ENTREP2: variants seen among roughly 807,000 people sequenced by gnomAD.
The protein encoded by ENTREP2 is endosomal transmembrane epsin interactor 2.
the ENTREP2 span, among the ~76,000 whole-genome samples, chr15:29,444,570 G>A: frequency 6.6e-6 from 1 of 151,068 alleles, no homozygotes; most frequent in African/African-American, 2.4e-5. Context: ...AGGTTCAAGC[G>A]ATTCTCCTGC....
chr15:29,615,813 T>C, the ENTREP2 span, among the ~76,000 whole-genome samples: 1 of 152,176 alleles, frequency 6.6e-6, no homozygotes, highest in Admixed American at 6.5e-5. Flanking sequence ...CAAAATTAAA[T>C]GGGAATTGGA....
chr15:29,576,876 C>T, the ENTREP2 span, among the ~76,000 whole-genome samples: 24,803 of 152,096 alleles, frequency 0.16, 2,894 homozygotes, highest in East Asian at 0.49. Context: ...GGCGTGATCT[C>T]GGCTCACTGC....
chr15:29,362,752 G>A, the ENTREP2 span, among the ~76,000 whole-genome samples: 1 of 152,122 alleles, frequency 6.6e-6, no homozygotes, highest in Non-Finnish European at 1.5e-5. Context: ...AATAAAAAAT[G>A]TGCCTGATGG....
the ENTREP2 span, among the ~76,000 whole-genome samples, chr15:29,513,078 A>G: frequency 6.6e-6 from 1 of 152,144 alleles, no homozygotes; most frequent in Non-Finnish European, 1.5e-5. Flanking sequence ...CCTTCTTTAA[A>G]CACTCTTTTT....
chr15:29,666,413 A>C, the ENTREP2 span, among the ~76,000 whole-genome samples: 9 of 135,672 alleles, frequency 6.6e-5, no homozygotes, highest in East Asian at 2.3e-4. Context: ...ACCTCCCCCC[A>C]CTCACCCCCA....
At chr15:29,318,416 G>T in the ENTREP2 span, among the ~76,000 whole-genome samples, 48,674 of 151,838 alleles carry the variant, frequency 0.32, 7,867 homozygotes, top group African/African-American at 0.37. Flanking sequence ...CGCCTCCTGG[G>T]TTCACGCCAT....
the ENTREP2 span, chr15:29,268,735 A>G: frequency 3.8e-3 from 5,760 of 1,533,774 alleles, 189 homozygotes; most frequent in African/African-American, 0.069. Flanking sequence ...CCAATCCTCT[A>G]AACTGTGCCT....
the ENTREP2 span, among the ~76,000 whole-genome samples, chr15:29,119,877 G>A: frequency 1.3e-5 from 2 of 152,160 alleles, no homozygotes; most frequent in African/African-American, 4.8e-5. Context: ...GCAGGTCCCG[G>A]GGAGAGAGCC....
At chr15:29,622,942 C>G in the ENTREP2 span, among the ~76,000 whole-genome samples, 1 of 152,138 alleles carries the variant, frequency 6.6e-6, no homozygotes, top group Non-Finnish European at 1.5e-5. Context: ...TGAGAACTTC[C>G]TTTGGGAAGC....
chr15:29,425,279 C>T, the ENTREP2 span, among the ~76,000 whole-genome samples: 1 of 151,768 alleles, frequency 6.6e-6, no homozygotes, highest in Non-Finnish European at 1.5e-5. Flanking sequence ...ACCTCATCAT[C>T]TGCCTGCCTC....
chr15:29,437,865 G>C, the ENTREP2 span, among the ~76,000 whole-genome samples: 1 of 152,180 alleles, frequency 6.6e-6, no homozygotes, highest in Non-Finnish European at 1.5e-5. Context: ...CATCAATTCT[G>C]AAAATGACCA....
At chr15:29,321,404 C>T in the ENTREP2 span, among the ~76,000 whole-genome samples, 4 of 152,102 alleles carry the variant, frequency 2.6e-5, no homozygotes, top group East Asian at 3.9e-4. Context: ...AATCCCAGCA[C>T]TTTGGGAGGC....
chr15:29,273,415 C>T, the ENTREP2 span, among the ~76,000 whole-genome samples: 2 of 152,010 alleles, frequency 1.3e-5, no homozygotes, highest in African/African-American at 4.8e-5. Context: ...CCAGGCTGGT[C>T]TCGAACTCCT....
chr15:29,171,877 A>T, the ENTREP2 span, among the ~76,000 whole-genome samples: 4 of 152,216 alleles, frequency 2.6e-5, no homozygotes, highest in South Asian at 6.2e-4. Context: ...ATGAGTTAAA[A>T]CACTACTGTC....
At chr15:29,524,674 T>C in the ENTREP2 span, among the ~76,000 whole-genome samples, 1 of 152,198 alleles carries the variant, frequency 6.6e-6, no homozygotes, top group Non-Finnish European at 1.5e-5. Flanking sequence ...GAAGCAGCAA[T>C]GGGCGCCTCG....
At chr15:29,612,444 A>G in the ENTREP2 span, 4 of 151,704 alleles carry the variant, frequency 2.6e-5, no homozygotes, top group Non-Finnish European at 5.9e-5. Context: ...CCACCACCAC[A>G]TTCAAATCTT....
the ENTREP2 span, among the ~76,000 whole-genome samples, chr15:29,263,770 T>C: frequency 6.6e-6 from 1 of 152,194 alleles, no homozygotes; most frequent in Admixed American, 6.5e-5. Flanking sequence ...TGAGCAAACC[T>C]AGCAACCTTG....
the ENTREP2 span, among the ~76,000 whole-genome samples, chr15:29,485,528 G>A: frequency 1.3e-5 from 2 of 152,176 alleles, no homozygotes; most frequent in Non-Finnish European, 2.9e-5. Flanking sequence ...AGGCAAATGA[G>A]CAACCTGCAG....
the ENTREP2 span, among the ~76,000 whole-genome samples, chr15:29,588,308 G>T: frequency 3.3e-5 from 5 of 152,040 alleles, no homozygotes; most frequent in Admixed American, 3.3e-4. Context: ...CCTGTAAATT[G>T]CAGGGAAAAG....
Sources: allele counts gnomAD v4.1 joint callset (sites outside exome capture counted in the v4.1 genomes callset), GRCh38; gene constraint gnomAD v4.1.1; transcripts MANE v1.5; gene names NCBI Gene and HGNC (gene_info 2026-07-23, HGNC 2026-07-21).